MINDY2: variants seen among roughly 807,000 people sequenced by gnomAD.
MINDY2 encodes the protein MINDY lysine 48 deubiquitinase 2.
A neutral mutation model predicts 68.2 loss-of-function variants in MINDY2; 52 were observed. That is an observed-to-expected ratio of 0.76 (90% CI 0.61 to 0.96). MINDY2 has a LOEUF of 0.96. Among genes scored for constraint, MINDY2 ranks in the 40% least tolerant of loss-of-function variants. The pLI is 0.00. For synonymous variants in MINDY2, 372 were observed against 303.0 expected, an observed-to-expected ratio of 1.23 and a Z score of -2.36; for missense variants, 881 against 773.4, an observed-to-expected ratio of 1.14 and a Z score of -1.65.
chr15:58,785,556 G>C (rs1460963039), intron 1 of MINDY2, among the ~76,000 whole-genome samples: 1 of 152,018 alleles, frequency 6.6e-6, no homozygotes, highest in Non-Finnish European at 1.5e-5. Flanking sequence ...CGTTTATTTA[G>C]AAAAACAGAC....
chr15:58,849,007 C>G (rs1270377044), intron 7 of MINDY2, among the ~76,000 whole-genome samples: 2 of 151,766 alleles, frequency 1.3e-5, no homozygotes, highest in Admixed American at 6.6e-5. Flanking sequence ...GTCAGGAGTT[C>G]AAGACCAGCC....
At chr15:58,780,091 ATTG>A (rs1901035568) in intron 1 of MINDY2, among the ~76,000 whole-genome samples, 1 of 152,110 alleles carries the variant, frequency 6.6e-6, no homozygotes, top group African/African-American at 2.4e-5. Context: ...TATGTAGACT[ATTG>A]TTCTTATTTT....
At chr15:58,773,807 A>C (rs1292939588) in intron 1 of MINDY2, among the ~76,000 whole-genome samples, 1 of 152,176 alleles carries the variant, frequency 6.6e-6, no homozygotes, top group African/African-American at 2.4e-5. Context: ...AGAAGAGTAT[A>C]AACCAAAGGA....
At chr15:58,843,337 G>C (rs576560177) in intron 6 of MINDY2, among the ~76,000 whole-genome samples, 1 of 152,034 alleles carries the variant, frequency 6.6e-6, no homozygotes, top group Non-Finnish European at 1.5e-5. Flanking sequence ...TTTTAGTAGA[G>C]ACGGGGTTTC....
intron 6 of MINDY2, among the ~76,000 whole-genome samples, chr15:58,835,542 A>G (rs2141029078): frequency 6.6e-6 from 1 of 152,278 alleles, no homozygotes; most frequent in South Asian, 2.1e-4. Flanking sequence ...AATTCCAGCT[A>G]CTTGGGAGGC....
chr15:58,822,066 A>G (rs987481586), intron 5 of MINDY2, among the ~76,000 whole-genome samples: 11 of 152,112 alleles, frequency 7.2e-5, no homozygotes, highest in Non-Finnish European at 1.6e-4. Flanking sequence ...CCTGGCCAAC[A>G]TGATGAAACC....
At chr15:58,848,239 T>C (rs2032633591) in intron 7 of MINDY2, among the ~76,000 whole-genome samples, 2 of 152,128 alleles carry the variant, frequency 1.3e-5, no homozygotes, top group African/African-American at 4.8e-5. Context: ...ATTTCACTCA[T>C]AACAATTTAA....
intron 2 of MINDY2, chr15:58,796,136 A>C (rs1902267532): frequency 8.8e-6 from 4 of 455,846 alleles, no homozygotes. Flanking sequence ...AACTTTTGAG[A>C]AGTTTGGGTA....
chr15:58,808,498 A>G (rs28812884), intron 3 of MINDY2, among the ~76,000 whole-genome samples: 39,968 of 151,982 alleles, frequency 0.26, 5,783 homozygotes, highest in East Asian at 0.61. Context: ...TTTCTTTACT[A>G]CTACGCATTT....
In MINDY2 at chr15:58,856,986, C is replaced by T. The variant is rs2033079906; in HGVS notation, c.*2376C>T. The T allele has an allele frequency of 6.6e-6, 1 of 152,202 alleles. No individual in the cohort carries two copies. Among genetic ancestry groups the T allele is most frequent in the Non-Finnish European group, 1.5e-5 (1 of 68,042 alleles). 9.4% of individuals were successfully genotyped at this position (152,202 alleles called of 1,614,324 possible). The stretch of plus-strand genomic sequence containing the variant: ...AGGAAACAAAACAAAACAAAACTCA[C>T]TCAAAACCAGCAGTGCTGCTATCAG... On this transcript the variant is annotated 3_prime_UTR_variant, in exon 9 of 9. Transcript: ENST00000559228.
intron 4 of MINDY2, among the ~76,000 whole-genome samples, chr15:58,818,156 A>G (rs2030824347): frequency 6.6e-6 from 1 of 152,224 alleles, no homozygotes. Context: ...TATAAGCTTT[A>G]TGAAAGCATA....
intron 2 of MINDY2, among the ~76,000 whole-genome samples, chr15:58,794,823 A>G (rs1381061651): frequency 4.6e-5 from 7 of 152,194 alleles, no homozygotes; most frequent in African/African-American, 1.2e-4. Context: ...ATGGCAGACT[A>G]TGAGTTACAG....
chr15:58,803,989 G>A (rs1322774565), intron 3 of MINDY2, among the ~76,000 whole-genome samples: 5 of 150,480 alleles, frequency 3.3e-5, no homozygotes, highest in Non-Finnish European at 7.4e-5. Flanking sequence ...TTAGCCAGGC[G>A]TGGTGGCAGG....
intron 2 of MINDY2, chr15:58,796,069 G>A (rs958584453): frequency 2.2e-6 from 1 of 455,538 alleles, no homozygotes; most frequent in African/African-American, 2.0e-5. Context: ...AGATGGAAAT[G>A]GAGTGGTGAG....
At chr15:58,819,520 T>G (rs1264681801) in intron 4 of MINDY2, among the ~76,000 whole-genome samples, 1 of 152,158 alleles carries the variant, frequency 6.6e-6, no homozygotes, top group Non-Finnish European at 1.5e-5. Flanking sequence ...AATATTTTTA[T>G]TTTATTTTTA....
intron 3 of MINDY2, among the ~76,000 whole-genome samples, chr15:58,805,188 C>T (rs1465233736): frequency 2.0e-5 from 3 of 152,140 alleles, no homozygotes; most frequent in African/African-American, 7.2e-5. Flanking sequence ...AACAATGAAA[C>T]TATAAGGTGT....
At chr15:58,844,689 G>A (rs527753352) in intron 6 of MINDY2, among the ~76,000 whole-genome samples, 40 of 151,966 alleles carry the variant, frequency 2.6e-4, no homozygotes, top group Admixed American at 3.9e-4. Context: ...AAGCTGAGGC[G>A]GTGGATCATC....
At chr15:58,850,997 T>C (rs1165029593) in intron 7 of MINDY2, among the ~76,000 whole-genome samples, 2 of 151,912 alleles carry the variant, frequency 1.3e-5, no homozygotes, top group East Asian at 3.9e-4. Flanking sequence ...TTTTCACGAC[T>C]GAGTCTTCCT....
At chr15:58,791,514 C>T (rs144542465) in intron 2 of MINDY2, among the ~76,000 whole-genome samples, 34 of 150,706 alleles carry the variant, frequency 2.3e-4, no homozygotes, top group African/African-American at 2.9e-4. Context: ...CTACTTGGGA[C>T]GCTCAGGTGG....
Sources: gnomAD v4.1 joint callset for allele counts (sites outside exome capture counted in the v4.1 genomes callset) on GRCh38, gnomAD v4.1.1 for gene constraint, MANE v1.5 for transcripts, NCBI Gene and HGNC (gene_info 2026-07-23, HGNC 2026-07-21) for gene names.